The following ARHGAP10 variants were observed in gnomAD, a reference collection of about 807,000 sequenced individuals.
ARHGAP10 encodes Rho GTPase activating protein 10, also known as rho GTPase-activating protein 10.
Under a neutral mutation model 108.6 loss-of-function variants are expected in ARHGAP10, and 87 were observed. That is an observed-to-expected ratio of 0.80 (90% CI 0.67 to 0.96). ARHGAP10 has a LOEUF of 0.96. ARHGAP10 is among the 40% of genes least tolerant of loss of function. ARHGAP10 has a pLI of 0.00. For missense variants in ARHGAP10, 939 were observed against 954.5 expected (o/e 0.98, Z 0.21); for synonymous variants, 347 against 341.1 (o/e 1.02, Z -0.19).
intron 15 of ARHGAP10, among the ~76,000 whole-genome samples, chr4:147,947,670 T>C (rs916103351): frequency 1.3e-5 from 2 of 151,994 alleles, no homozygotes; most frequent in African/African-American, 4.8e-5. Flanking sequence ...CCCAAAGTCC[T>C]GGGATTACAG....
In ARHGAP10 at chr4:148,049,253, G is replaced by T. The variant is rs550335723; in HGVS notation, c.2027+2202G>T. ...CTGGAGCTGAGGATTCTGTAGGTCC[G>T]AGAAGGGTCCTGAGAGCTTGCCATT... On this transcript the variant is annotated intron_variant, in intron 20 of 22. Transcript: ENST00000336498. Among the ~76,000 whole-genome samples, 34 of 152,264 alleles carry T rather than the reference G, an allele frequency of 2.2e-4. 1 individual carries two copies. The South Asian group carries it at 7.1e-3, about 32-fold the overall frequency.
chr4:147,946,590 T>G (rs775971682), intron 14 of ARHGAP10, 27 bp from the exon 15 acceptor site: 2 of 1,599,390 alleles, frequency 1.3e-6, no homozygotes, highest in South Asian at 2.2e-5. Flanking sequence ...GTTTTAATTA[T>G]TTTTTTCTTG....
At chr4:147,784,998 A>C (rs1305717497) in intron 1 of ARHGAP10, among the ~76,000 whole-genome samples, 1 of 137,622 alleles carries the variant, frequency 7.3e-6, no homozygotes, top group Non-Finnish European at 1.5e-5. Flanking sequence ...ATATATTATG[A>C]AATATATGTT....
At chr4:147,840,883 A>T (rs958321874) in intron 3 of ARHGAP10, among the ~76,000 whole-genome samples, 2 of 152,140 alleles carry the variant, frequency 1.3e-5, no homozygotes, top group Non-Finnish European at 2.9e-5. Context: ...GTAAATGTAT[A>T]TTTTTTAAAA....
chr4:147,784,806 AATATATTATAAAAT>A (rs1730792854), intron 1 of ARHGAP10, among the ~76,000 whole-genome samples: 1 of 3,718 alleles, frequency 2.7e-4, no homozygotes, highest in African/African-American at 4.4e-4. Flanking sequence ...TTATAAATAT[AATATATTATAAAAT>A]ATATATTATA....
At chr4:147,791,807 A>T (rs1731137581) in intron 1 of ARHGAP10, among the ~76,000 whole-genome samples, 1 of 151,430 alleles carries the variant, frequency 6.6e-6, no homozygotes, top group Admixed American at 6.6e-5. Context: ...CTCGTCTCGA[A>T]CTCCTGACCT....
At chr4:147,847,818 G>C (rs1733697692) in intron 4 of ARHGAP10, among the ~76,000 whole-genome samples, 1 of 152,174 alleles carries the variant, frequency 6.6e-6, no homozygotes, top group Admixed American at 6.5e-5. Context: ...GTGATTTCCA[G>C]GAATAATGCA....
chr4:147,839,046 T>C (rs1372434873), intron 3 of ARHGAP10, among the ~76,000 whole-genome samples: 1 of 152,180 alleles, frequency 6.6e-6, no homozygotes, highest in South Asian at 2.1e-4. Context: ...TTTTTTTTCC[T>C]AACAGATCAT....
At chr4:147,733,365 C>T (rs957852846) in intron 1 of ARHGAP10, among the ~76,000 whole-genome samples, 2 of 151,116 alleles carry the variant, frequency 1.3e-5, no homozygotes, top group Non-Finnish European at 2.9e-5. Context: ...GCTGGGCAGC[C>T]TGACCATCCC....
At chr4:147,755,222 T>C (rs954371621) in intron 1 of ARHGAP10, among the ~76,000 whole-genome samples, 2 of 152,144 alleles carry the variant, frequency 1.3e-5, no homozygotes, top group African/African-American at 2.4e-5. Flanking sequence ...AACAAAAATA[T>C]CATTTTGTTC....
At chr4:148,027,749 A>G (rs1454354016) in intron 19 of ARHGAP10, among the ~76,000 whole-genome samples, 1 of 152,222 alleles carries the variant, frequency 6.6e-6, no homozygotes, top group Non-Finnish European at 1.5e-5. Flanking sequence ...GATGATATAA[A>G]TTAGCCGTCT....
chr4:147,798,747 C>T (rs1358560309), intron 1 of ARHGAP10, among the ~76,000 whole-genome samples: 3 of 11,212 alleles, frequency 2.7e-4, no homozygotes, highest in Non-Finnish European at 1.1e-3. Flanking sequence ...CTCTCTCTCT[C>T]TCTCTCTCTC....
intron 22 of ARHGAP10, among the ~76,000 whole-genome samples, chr4:148,065,963 CAGTG>C (rs1461802939): frequency 5.4e-5 from 6 of 111,182 alleles, no homozygotes; most frequent in Non-Finnish European, 1.0e-4. Context: ...CTGGATAACA[CAGTG>C]AGACCCCATC....
rs190401994 is a variant in ARHGAP10 at position 147,850,930 on chromosome 4, A to G, written c.384+3708A>G. Among the ~76,000 whole-genome samples, 50 of 152,332 alleles carry G rather than the reference A, an allele frequency of 3.3e-4. 1 individual carries two copies. Among genetic ancestry groups the G allele is most frequent in the Admixed American group, 1.6e-3 (25 of 15,300 alleles). On this transcript the variant is annotated intron_variant, in intron 4 of 22. Transcript: ENST00000336498. ...ATCCTGAACAACTTAGGGGCCAAGT[A>G]TGTTGAACAAAAACTCTGAGAAATA...
At position 147,909,642 on chromosome 4, in the gene ARHGAP10, AT is replaced by A. The variant is rs527688091; in HGVS notation, c.1117-81del. The A allele has an allele frequency of 2.5e-3, 2,761 of 1,086,174 alleles. 15 individuals are homozygous for A. The highest frequency in any genetic ancestry group is 0.015 in the East Asian group (607 of 39,258). 67.3% of individuals were successfully genotyped at this position (1,086,174 alleles called of 1,614,324 possible). A position where few individuals can be genotyped will look rare whatever the true frequency, so the allele number is the denominator to read the frequency against. On this transcript the variant is annotated intron_variant, in intron 11 of 22. Transcript: ENST00000336498. Reference sequence around the variant, plus strand: ...ACCAGAATCAAGCTTATAAAAATGTATTTTTTTTTGTATGGTCCTCAGTGTG... The same window carrying A: ...ACCAGAATCAAGCTTATAAAAATGTATTTTTTTTGTATGGTCCTCAGTGTG...
At chr4:147,837,650 T>TTTTTTTTTTTTTTTTTTTTTTG (rs71250029) in intron 3 of ARHGAP10, among the ~76,000 whole-genome samples, 10 of 112,084 alleles carry the variant, frequency 8.9e-5, no homozygotes, top group African/African-American at 2.2e-4. Context: ...ACTGTTTTTT[T>TTTTTTTTTTTTTTTTTTTTTTG]TTTTTTTTTT....
chr4:147,790,645 A>G (rs934682573), intron 1 of ARHGAP10, among the ~76,000 whole-genome samples: 4 of 152,208 alleles, frequency 2.6e-5, no homozygotes, highest in African/African-American at 9.6e-5. Flanking sequence ...CCAAAGGGAT[A>G]ATAAAAACCT....
chr4:147,747,371 A>G (rs984636916), intron 1 of ARHGAP10, among the ~76,000 whole-genome samples: 4 of 152,232 alleles, frequency 2.6e-5, no homozygotes, highest in African/African-American at 7.2e-5. Context: ...ATCTAAAAAT[A>G]TCTTCTCTTG....
At chr4:148,003,479 G>T (rs1394244250) in intron 18 of ARHGAP10, among the ~76,000 whole-genome samples, 2 of 152,144 alleles carry the variant, frequency 1.3e-5, no homozygotes, top group Non-Finnish European at 2.9e-5. Context: ...TTAACTTTCT[G>T]TCTCGTTGAT....
Sources: allele counts gnomAD v4.1 joint callset (sites outside exome capture counted in the v4.1 genomes callset), GRCh38; gene constraint gnomAD v4.1.1; transcripts MANE v1.5; gene names NCBI Gene and HGNC (gene_info 2026-07-23, HGNC 2026-07-21).